Variants in ANKS1B observed in about 807,000 individuals in gnomAD.
ANKS1B encodes ankyrin repeat and sterile alpha motif domain containing 1B.
In ANKS1B, 36 loss-of-function variants were observed where a neutral mutation model predicts 148.3. The observed-to-expected ratio is 0.24, with a 90% CI of 0.19 to 0.32. The LOEUF (loss-of-function observed/expected upper bound fraction) is 0.32, where lower values mean the gene tolerates loss of function less well. Ranked by LOEUF, ANKS1B falls within the 10% of genes least tolerant of loss-of-function variation. The pLI is 1.00. For missense variants in ANKS1B, 1,157 were observed against 1,542.6 expected, an observed-to-expected ratio of 0.75 and a Z score of 4.19; for synonymous variants, 542 against 560.8, an observed-to-expected ratio of 0.97 and a Z score of 0.47.
intron 10 of ANKS1B, among the ~76,000 whole-genome samples, chr12:99,489,114 C>T (rs2096530431): frequency 6.6e-6 from 1 of 151,764 alleles, no homozygotes; most frequent in Admixed American, 6.6e-5. Flanking sequence ...TGGTGGCACG[C>T]ACCTATAATC....
At chr12:98,997,484 C>G (rs567416023) in intron 17 of ANKS1B, among the ~76,000 whole-genome samples, 1 of 150,480 alleles carries the variant, frequency 6.6e-6, no homozygotes, top group African/African-American at 2.4e-5. Flanking sequence ...TCACTGCACT[C>G]TCTGCCTCCT....
chr12:99,518,680 T>G (rs549582689), intron 9 of ANKS1B, among the ~76,000 whole-genome samples: 43 of 152,210 alleles, frequency 2.8e-4, no homozygotes, highest in African/African-American at 9.4e-4. Context: ...AAAAACAACT[T>G]TTTGTTTTAC....
At chr12:99,810,086 G>A (rs543306338) in intron 3 of ANKS1B, among the ~76,000 whole-genome samples, 9 of 152,104 alleles carry the variant, frequency 5.9e-5, no homozygotes, top group South Asian at 2.1e-4. Context: ...ATACCAATGC[G>A]CTGTTGTGTA....
intron 9 of ANKS1B, among the ~76,000 whole-genome samples, chr12:99,645,485 C>G (rs117233886): frequency 0.015 from 2,212 of 152,118 alleles, 22 homozygotes; most frequent in Non-Finnish European, 0.021. Flanking sequence ...AAAGATAGCT[C>G]AGGGGTCATC....
intron 1 of ANKS1B, among the ~76,000 whole-genome samples, chr12:99,866,366 C>T (rs2090758024): frequency 6.6e-6 from 1 of 152,104 alleles, no homozygotes; most frequent in African/African-American, 2.4e-5. Flanking sequence ...ATTTTTCAAG[C>T]ACACAAAACT....
At chr12:99,920,905 T>A (rs1169457932) in intron 1 of ANKS1B, among the ~76,000 whole-genome samples, 1 of 152,124 alleles carries the variant, frequency 6.6e-6, no homozygotes, top group Non-Finnish European at 1.5e-5. Context: ...CACATGTTAA[T>A]CTCTTCCAGA....
intron 8 of ANKS1B, among the ~76,000 whole-genome samples, chr12:99,664,224 T>A (rs2098493935): frequency 6.6e-6 from 1 of 152,022 alleles, no homozygotes; most frequent in African/African-American, 2.4e-5. Context: ...TTATCCTCCA[T>A]GACAGATCAT....
At chr12:99,454,050 T>G (rs973233565) in intron 10 of ANKS1B, among the ~76,000 whole-genome samples, 58 of 151,992 alleles carry the variant, frequency 3.8e-4, no homozygotes, top group Non-Finnish European at 4.4e-5. Context: ...AAACAGAATA[T>G]GCAACAGGGC....
intron 1 of ANKS1B, among the ~76,000 whole-genome samples, chr12:99,863,802 T>G (rs1311460065): frequency 2.0e-5 from 3 of 152,066 alleles, no homozygotes; most frequent in African/African-American, 7.2e-5. Flanking sequence ...CCAAGCGTGG[T>G]GGCTCACGCC....
At chr12:99,823,059 TC>T (rs2082701855) in intron 2 of ANKS1B, among the ~76,000 whole-genome samples, 1 of 152,256 alleles carries the variant, frequency 6.6e-6, no homozygotes, top group African/African-American at 2.4e-5. Context: ...GAGCATTTTT[TC>T]ATACACTTGT....
At chr12:99,549,376 T>TA (rs1298845339) in intron 9 of ANKS1B, among the ~76,000 whole-genome samples, 1 of 152,242 alleles carries the variant, frequency 6.6e-6, no homozygotes. Context: ...CCAAAATTCT[T>TA]AGAGTTAAGC....
chr12:99,253,260 C>A (rs571228980), intron 12 of ANKS1B, among the ~76,000 whole-genome samples: 80 of 151,190 alleles, frequency 5.3e-4, no homozygotes, highest in Middle Eastern at 3.4e-3. Context: ...TGGCATCAGG[C>A]AGATGTCCAG....
rs118014924 is a variant in ANKS1B at position 99,882,767 on chromosome 12, C to T, written c.135-57378G>A. Among the ~76,000 whole-genome samples, 1,193 of 152,252 alleles carry T rather than the reference C, an allele frequency of 7.8e-3. 14 individuals are homozygous for T. The highest frequency in any genetic ancestry group is 0.027 in the South Asian group (132 of 4,816). ...TAAAGAACTTATCCATGTAATCAAACACCACCTGTTCCCCCAAAACTACTG... is the reference window on the plus strand; with the variant it reads ...TAAAGAACTTATCCATGTAATCAAATACCACCTGTTCCCCCAAAACTACTG... On this transcript the variant is annotated intron_variant, in intron 1 of 26. Transcript: ENST00000683438.
intron 14 of ANKS1B, among the ~76,000 whole-genome samples, chr12:99,164,614 A>G (rs1466565567): frequency 2.6e-5 from 4 of 152,024 alleles, no homozygotes; most frequent in African/African-American, 9.7e-5. Flanking sequence ...TTCCCTCTCA[A>G]AAACGCTCTA....
intron 9 of ANKS1B, among the ~76,000 whole-genome samples, chr12:99,552,432 T>C (rs2153170890): frequency 6.6e-6 from 1 of 152,370 alleles, no homozygotes; most frequent in East Asian, 1.9e-4. Flanking sequence ...GCAAGTTTCA[T>C]GTCTGTCTTG....
At chr12:99,025,546 G>A (rs2099948249) in intron 17 of ANKS1B, among the ~76,000 whole-genome samples, 1 of 152,150 alleles carries the variant, frequency 6.6e-6, no homozygotes, top group South Asian at 2.1e-4. Flanking sequence ...GGTATTTACT[G>A]GACCTGGGGT....
chr12:99,064,494 G>T (rs2043435345), intron 16 of ANKS1B, among the ~76,000 whole-genome samples: 2 of 152,174 alleles, frequency 1.3e-5, no homozygotes, highest in African/African-American at 4.8e-5. Flanking sequence ...CTGGACAAAG[G>T]CACTGGGAAG....
chr12:99,010,997 C>T (rs559581718), intron 17 of ANKS1B, among the ~76,000 whole-genome samples: 1 of 151,374 alleles, frequency 6.6e-6, no homozygotes, highest in East Asian at 1.9e-4. Context: ...CCCACCTCGG[C>T]CTCTCAAAGA....
chr12:99,798,439 A>AAAAAAC (rs2066525584), intron 4 of ANKS1B, among the ~76,000 whole-genome samples: 1 of 151,204 alleles, frequency 6.6e-6, no homozygotes, highest in African/African-American at 2.4e-5. Context: ...AAAAAAAAAA[A>AAAAAAC]AAAACAAAAG....
Sources: allele counts gnomAD v4.1 joint callset (sites outside exome capture counted in the v4.1 genomes callset), GRCh38; gene constraint gnomAD v4.1.1; transcripts MANE v1.5; gene names NCBI Gene and HGNC (gene_info 2026-07-23, HGNC 2026-07-21).